CAB39L: variants seen among roughly 807,000 people sequenced by gnomAD.
The protein encoded by CAB39L is calcium-binding protein 39-like.
A neutral mutation model predicts 39.1 loss-of-function variants in CAB39L; 23 were observed. The observed-to-expected ratio is 0.59, with a 90% confidence interval of 0.42 to 0.83. The LOEUF (loss-of-function observed/expected upper bound fraction) is 0.83, where lower values mean the gene tolerates loss of function less well. Ranked by LOEUF, CAB39L falls within the 40% of genes least tolerant of loss-of-function variation. The probability of loss-of-function intolerance (pLI) is 0.00; values close to 1 mark genes in which losing one functional copy is unlikely to be tolerated. For synonymous variants in CAB39L, 126 were observed against 137.2 expected, an observed-to-expected ratio of 0.92 and a Z score of 0.57; for missense variants, 366 against 391.9, an observed-to-expected ratio of 0.93 and a Z score of 0.56.
At chr13:49,399,129 T>C (rs1056192366) in intron 3 of CAB39L, among the ~76,000 whole-genome samples, 4 of 152,124 alleles carry the variant, frequency 2.6e-5, no homozygotes, top group African/African-American at 9.6e-5. Context: ...CCCATTTCAA[T>C]TTTTGTGAAC....
intron 1 of CAB39L, among the ~76,000 whole-genome samples, chr13:49,443,205 G>A: frequency 6.6e-6 from 1 of 151,796 alleles, no homozygotes; most frequent in East Asian, 1.9e-4. Context: ...GCTCCATGAA[G>A]TGACCAAGCA....
intron 3 of CAB39L, among the ~76,000 whole-genome samples, chr13:49,416,205 T>C (rs968611764): frequency 2.6e-5 from 4 of 152,198 alleles, no homozygotes; most frequent in African/African-American, 4.8e-5. Flanking sequence ...GGACAGAACA[T>C]GTCACTCTGT....
chr13:49,334,384 G>A (rs952402126), intron 9 of CAB39L, among the ~76,000 whole-genome samples: 10 of 152,064 alleles, frequency 6.6e-5, no homozygotes, highest in Admixed American at 1.3e-4. Flanking sequence ...CTGTGATGTG[G>A]AATCATTTCT....
At chr13:49,405,781 GGGAGGGA>G (rs1400729508) in intron 3 of CAB39L, among the ~76,000 whole-genome samples, 24 of 149,782 alleles carry the variant, frequency 1.6e-4, no homozygotes, top group African/African-American at 5.7e-4. Context: ...GAGGGAGGGA[GGGAGGGA>G]GGAGGGAGGG....
intron 3 of CAB39L, among the ~76,000 whole-genome samples, chr13:49,408,434 T>C (rs2057412): frequency 0.35 from 53,063 of 152,048 alleles, 9,642 homozygotes; most frequent in Middle Eastern, 0.42. Flanking sequence ...GAAAACAGAC[T>C]GGAGCAATAT....
At chr13:49,327,384 A>T (rs1954537254) in intron 10 of CAB39L, among the ~76,000 whole-genome samples, 2 of 151,990 alleles carry the variant, frequency 1.3e-5, no homozygotes, top group South Asian at 4.1e-4. Context: ...GCTTACTGCA[A>T]CCTCTGCTTC....
chr13:49,426,661 G>T (rs1414048466), intron 3 of CAB39L, among the ~76,000 whole-genome samples: 2 of 152,148 alleles, frequency 1.3e-5, no homozygotes, highest in African/African-American at 2.4e-5. Context: ...CCCTGACCTC[G>T]TGATCTGCCT....
chr13:49,441,670 T>A (rs1267509816), intron 1 of CAB39L, among the ~76,000 whole-genome samples: 1 of 152,208 alleles, frequency 6.6e-6, no homozygotes. Context: ...GTTTTGGCCA[T>A]TACAAATAAA....
intron 3 of CAB39L, among the ~76,000 whole-genome samples, chr13:49,430,621 C>T (rs1313684592): frequency 2.0e-5 from 3 of 152,266 alleles, no homozygotes; most frequent in African/African-American, 4.8e-5. Context: ...ATGTGGTACT[C>T]CCACTCTCCT....
intron 3 of CAB39L, among the ~76,000 whole-genome samples, chr13:49,415,859 A>G (rs2138698195): frequency 6.6e-6 from 1 of 152,312 alleles, no homozygotes; most frequent in South Asian, 2.1e-4. Context: ...TAAAAATTAT[A>G]AATTACTTTC....
rs1236353478 is a variant in CAB39L at position 49,310,107 on chromosome 13, AC to A, written c.*706del. ...CACAGTTCTCTAGCAAGCAGGTCAC[AC>A]CCCGTGGGTCCCCTATTCCCCGTGA... On this transcript the variant is annotated 3_prime_UTR_variant, in exon 11 of 11. Coordinates refer to ENST00000409308, the MANE Select transcript of CAB39L (RefSeq NM_001079670.3). The A allele has an allele frequency of 6.6e-6, 1 of 152,400 alleles. No homozygotes were observed. The highest frequency in any genetic ancestry group is 1.5e-5 in the Non-Finnish European group (1 of 68,286). 9.4% of individuals were successfully genotyped at this position (152,400 alleles called of 1,614,324 possible). A position where few individuals can be genotyped will look rare whatever the true frequency, so the allele number is the denominator to read the frequency against.
chr13:49,345,181 C>A (rs1422800561), intron 7 of CAB39L, among the ~76,000 whole-genome samples: 1 of 152,066 alleles, frequency 6.6e-6, no homozygotes. Context: ...AAAATAAATT[C>A]TTTTAATACA....
At chr13:49,320,728 G>A (rs376906872) in intron 10 of CAB39L, among the ~76,000 whole-genome samples, 1 of 152,106 alleles carries the variant, frequency 6.6e-6, no homozygotes, top group Non-Finnish European at 1.5e-5. Context: ...CCACCCCATC[G>A]AAGTGTCAAA....
intron 3 of CAB39L, among the ~76,000 whole-genome samples, chr13:49,428,308 G>C (rs8000963): frequency 0.092 from 13,931 of 152,230 alleles, 854 homozygotes; most frequent in South Asian, 0.27. Flanking sequence ...TAGAGGCTTT[G>C]GTTCTTTGCT....
At chr13:49,409,875 C>T (rs1956953586) in intron 3 of CAB39L, among the ~76,000 whole-genome samples, 1 of 138,434 alleles carries the variant, frequency 7.2e-6, no homozygotes, top group South Asian at 2.3e-4. Flanking sequence ...GAGTTCAAGA[C>T]CAGCCTGGGC....
At chr13:49,317,359 C>A (rs541519541) in intron 10 of CAB39L, among the ~76,000 whole-genome samples, 9 of 152,038 alleles carry the variant, frequency 5.9e-5, no homozygotes, top group African/African-American at 2.2e-4. Context: ...GCGAAACCCC[C>A]TCTCTACAAA....
intron 9 of CAB39L, among the ~76,000 whole-genome samples, chr13:49,336,441 A>AG (rs920798915): frequency 2.0e-5 from 3 of 152,212 alleles, no homozygotes; most frequent in Admixed American, 1.3e-4. Context: ...GAGGAATAGC[A>AG]GCCAAATGGT....
At chr13:49,325,323 C>A (rs1310993306) in intron 10 of CAB39L, among the ~76,000 whole-genome samples, 1 of 152,204 alleles carries the variant, frequency 6.6e-6, no homozygotes, top group African/African-American at 2.4e-5. Context: ...GTTGGTGAGA[C>A]ATTAAGTCAG....
At chr13:49,324,673 C>T (rs544100373) in intron 10 of CAB39L, among the ~76,000 whole-genome samples, 6 of 152,194 alleles carry the variant, frequency 3.9e-5, no homozygotes, top group Non-Finnish European at 7.3e-5. Context: ...ACAGTTTCCT[C>T]GCCAATGAAA....
Sources: allele counts gnomAD v4.1 joint callset (sites outside exome capture counted in the v4.1 genomes callset), GRCh38; gene constraint gnomAD v4.1.1; transcripts MANE v1.5; gene names NCBI Gene and HGNC (gene_info 2026-07-23, HGNC 2026-07-21).